Variants in FMO1 observed in about 807,000 individuals in gnomAD.
The protein encoded by FMO1 is flavin containing dimethylaniline monoxygenase 1, also known as flavin-containing monooxygenase 1.
A neutral mutation model predicts 45.4 loss-of-function variants in FMO1; 36 were observed. That is an observed-to-expected ratio of 0.79 (90% confidence interval 0.61 to 1.05). The LOEUF is 1.05. FMO1 is among the 50% of genes least tolerant of loss of function. The pLI is 0.00. For missense variants in FMO1, 615 were observed against 640.3 expected (o/e 0.96, Z 0.43); for synonymous variants, 228 against 227.2 (o/e 1.00, Z -0.03).
chr1:171,281,963 C>T lies in FMO1; in HGVS notation c.828-15C>T. ...TTCACTGACAAGTCTCCTCCCTGTT[C>T]ATGTTTTTGTTTAGGACTCAGCTGA... On this transcript the variant is annotated splice_polypyrimidine_tract_variant and intron_variant, in intron 6 of 8. Coordinates refer to ENST00000617670, the MANE Select transcript of FMO1 (RefSeq NM_001282693.2). The T allele has an allele frequency of 6.6e-7, 1 of 1,521,192 alleles. No homozygotes were observed. Among genetic ancestry groups the T allele is most frequent in the Non-Finnish European group, 9.0e-7 (1 of 1,113,274 alleles). 94.2% of individuals were successfully genotyped at this position (1,521,192 alleles called of 1,614,324 possible). A position where few individuals can be genotyped will look rare whatever the true frequency, so the allele number is the denominator to read the frequency against.
At chr1:171,268,131 G>C (rs893544472) in intron 3 of FMO1, among the ~76,000 whole-genome samples, 1 of 152,142 alleles carries the variant, frequency 6.6e-6, no homozygotes, top group African/African-American at 2.4e-5. Flanking sequence ...TTGTTGCCCA[G>C]GCTGGAGTGC....
chr1:171,277,050 G>A (rs1425830896), intron 4 of FMO1, among the ~76,000 whole-genome samples: 1 of 152,152 alleles, frequency 6.6e-6, no homozygotes, highest in Non-Finnish European at 1.5e-5. Flanking sequence ...AAGGCTTGCA[G>A]TCTTTCTTAA....
chr1:171,258,540 C>T (rs901353754), intron 2 of FMO1, among the ~76,000 whole-genome samples: 5 of 152,120 alleles, frequency 3.3e-5, no homozygotes, highest in African/African-American at 9.7e-5. Flanking sequence ...AGGACCAGGG[C>T]GTCTGAAGCA....
At chr1:171,271,127 A>AT in intron 3 of FMO1, 1 of 884,744 alleles carries the variant, frequency 1.1e-6, no homozygotes, top group Non-Finnish European at 1.9e-6. Flanking sequence ...TCCTTTTTGT[A>AT]TTTTTCCTTT....
intron 5 of FMO1, among the ~76,000 whole-genome samples, chr1:171,280,179 C>CA (rs1051614317): frequency 5.9e-5 from 9 of 152,164 alleles, no homozygotes; most frequent in African/African-American, 2.2e-4. Context: ...GGGGAAGAAA[C>CA]AATCTGTTAA....
At chr1:171,249,960 G>A (rs1659810988) in intron 1 of FMO1, among the ~76,000 whole-genome samples, 1 of 152,056 alleles carries the variant, frequency 6.6e-6, no homozygotes, top group African/African-American at 2.4e-5. Context: ...TAAAACTCTT[G>A]CCCAGAAGTT....
At chr1:171,274,633 G>A (rs748054983) in intron 3 of FMO1, among the ~76,000 whole-genome samples, 19 of 152,028 alleles carry the variant, frequency 1.2e-4, no homozygotes, top group Non-Finnish European at 1.9e-4. Flanking sequence ...CATTAAGAGG[G>A]ACTTAAGAAG....
chr1:171,254,660 G>A (rs369083059), intron 1 of FMO1, among the ~76,000 whole-genome samples: 1 of 152,102 alleles, frequency 6.6e-6, no homozygotes, highest in African/African-American at 2.4e-5. Flanking sequence ...CAAGAGTAAG[G>A]CAAGCTTACT....
intron 2 of FMO1, 93 bp from the exon 3 acceptor site, chr1:171,267,450 C>A (rs1660662569): frequency 5.2e-6 from 4 of 773,862 alleles, no homozygotes; most frequent in Middle Eastern, 2.4e-4. Flanking sequence ...CTGTGCTTGG[C>A]AATGATACTG....
chr1:171,254,736 C>G (rs1660076799), intron 1 of FMO1, among the ~76,000 whole-genome samples: 2 of 152,214 alleles, frequency 1.3e-5, no homozygotes, highest in South Asian at 4.1e-4. Context: ...TGCTCCCTAA[C>G]TCTAGAGCCC....
chr1:171,285,399 G>A lies in FMO1; in HGVS notation c.1454G>A (p.Arg485Lys), dbSNP rs772430935. The change falls in exon 9 of 9, where the codon AGA becomes AAA. Residue 485 changes from arginine to lysine, a missense_variant. Transcript: ENST00000617670. ...LTGPGKWEGA[R>K]NAIMTQWDRT... ...GGCCCAGGAAAATGGGAAGGAGCCA[G>A]AAATGCCATCATGACCCAGTGGGAC... is the stretch of plus-strand genomic sequence containing the variant. 3 of 1,613,634 alleles carry A rather than the reference G, an allele frequency of 1.9e-6. No individual in the cohort carries two copies. Among genetic ancestry groups the A allele is most frequent in the Non-Finnish European group, 2.5e-6 (3 of 1,179,810 alleles).
At chr1:171,273,677 C>T (rs1660971453) in intron 3 of FMO1, among the ~76,000 whole-genome samples, 2 of 152,154 alleles carry the variant, frequency 1.3e-5, no homozygotes, top group African/African-American at 4.8e-5. Context: ...CCATGCCTGG[C>T]TATATTTTTT....
At chr1:171,272,121 C>T (rs1328953841) in intron 3 of FMO1, among the ~76,000 whole-genome samples, 1 of 152,244 alleles carries the variant, frequency 6.6e-6, no homozygotes, top group Non-Finnish European at 1.5e-5. Flanking sequence ...CCCTGCATCC[C>T]AGCTGCTCCA....
At position 171,258,200 on chromosome 1, in the gene FMO1, G is replaced by A; in HGVS notation, c.113G>A (p.Gly38Glu). 1 of 1,614,122 alleles carries A rather than the reference G, an allele frequency of 6.2e-7. No homozygotes were observed. The highest frequency in any genetic ancestry group is 8.5e-7 in the Non-Finnish European group (1 of 1,180,014). The change falls in exon 2 of 9, where the codon GGG becomes GAG. Residue 38 changes from glycine (G) to glutamate (E), a missense_variant. Gly to Glu is a moderately conservative substitution (Grantham distance 98). Transcript: ENST00000617670. ...PTCFERSDDL[G>E]GLWRFTEHVE... ...TGCTTTGAGAGGAGCGATGACCTTG[G>A]GGGGCTGTGGAGATTCACCGTAAGT...
chr1:171,264,040 C>T (rs1003868179), intron 2 of FMO1, among the ~76,000 whole-genome samples: 3 of 152,116 alleles, frequency 2.0e-5, no homozygotes, highest in Non-Finnish European at 4.4e-5. Context: ...ATCCTAAGGG[C>T]TAAGTTTCCT....
intron 3 of FMO1, among the ~76,000 whole-genome samples, 192 bp from the exon 4 acceptor site, chr1:171,275,154 T>G (rs1274510809): frequency 6.6e-6 from 1 of 152,190 alleles, no homozygotes; most frequent in Non-Finnish European, 1.5e-5. Flanking sequence ...CTTAGATATC[T>G]CTCCAAGCTT....
intron 3 of FMO1, 53 bp downstream of exon 3, chr1:171,267,784 T>C (rs988820148): frequency 2.2e-6 from 3 of 1,394,704 alleles, no homozygotes; most frequent in Non-Finnish European, 1.0e-6. Context: ...ACCTATTTTC[T>C]CTTATCTCTC....
At chr1:171,280,075 C>T (rs1661290360) in intron 5 of FMO1, among the ~76,000 whole-genome samples, 1 of 152,200 alleles carries the variant, frequency 6.6e-6, no homozygotes, top group Non-Finnish European at 1.5e-5. Flanking sequence ...AATTACCTTT[C>T]ATCATATATA....
intron 3 of FMO1, among the ~76,000 whole-genome samples, chr1:171,269,447 T>A (rs1660758140): frequency 6.6e-6 from 1 of 152,178 alleles, no homozygotes; most frequent in Admixed American, 6.5e-5. Flanking sequence ...GTTTGGTTTT[T>A]TGTTTTAAAA....
Sources: allele counts gnomAD v4.1 joint callset (sites outside exome capture counted in the v4.1 genomes callset), GRCh38; gene constraint gnomAD v4.1.1; transcripts MANE v1.5; gene names NCBI Gene and HGNC (gene_info 2026-07-23, HGNC 2026-07-21).